MYLK: variants seen among roughly 807,000 people sequenced by gnomAD.
MYLK encodes myosin light chain kinase, also known as myosin light chain kinase, smooth muscle.
A neutral mutation model predicts 203.4 loss-of-function variants in MYLK; 106 were observed. The observed-to-expected ratio is 0.52, with a 90% CI of 0.45 to 0.61. The LOEUF (loss-of-function observed/expected upper bound fraction) is 0.61. MYLK is among the 20% of genes least tolerant of loss of function. The pLI, the probability that MYLK is intolerant of heterozygous loss-of-function variation, is 0.00. For missense variants in MYLK, 2,072 were observed against 2,442.3 expected (o/e 0.85, Z 3.20); for synonymous variants, 867 against 959.5 (o/e 0.90, Z 1.78).
At chr3:123,638,506 G>C (rs916282739) in intron 28 of MYLK, among the ~76,000 whole-genome samples, 3 of 152,120 alleles carry the variant, frequency 2.0e-5, no homozygotes, top group Non-Finnish European at 2.9e-5. Context: ...CCCTAGGCAG[G>C]GACTGTGACT....
In MYLK at chr3:123,642,342, A is replaced by T. The variant is rs1387224259; in HGVS notation, c.4620-1838T>A. 6.6e-6 allele frequency among the ~76,000 whole-genome samples: 1 copy of T among 152,134 alleles called. No individual in the cohort carries two copies. The highest frequency in any genetic ancestry group is 2.4e-5 in the African/African-American group (1 of 41,412). On this transcript the variant is annotated intron_variant, in intron 27 of 33. Coordinates refer to ENST00000360304, the MANE Select transcript of MYLK (RefSeq NM_053025.4). This position sits in a 1 kb window ranked among gnomAD's most constrained non-coding sequence, Gnocchi z 4.2. ...CTTTGTAAAGTATCATGCCTAACAC[A>T]CAGAAGGTGCTCAACACTTATTACT...
intron 27 of MYLK, among the ~76,000 whole-genome samples, chr3:123,643,534 G>GTTA (rs1342162772): frequency 1.3e-5 from 2 of 152,090 alleles, no homozygotes; most frequent in Non-Finnish European, 2.9e-5. Context: ...AGATGGAAGG[G>GTTA]GTTAAAGAGG....
chr3:123,858,334 A>C (rs2031594113), intron 2 of MYLK, among the ~76,000 whole-genome samples: 1 of 152,266 alleles, frequency 6.6e-6, no homozygotes, highest in Non-Finnish European at 1.5e-5. Flanking sequence ...CTAACCTTTC[A>C]CCCATTCCCT....
In MYLK at chr3:123,878,922, G is replaced by A. The variant is rs567898259; in HGVS notation, c.-185-2305C>T. Among the ~76,000 whole-genome samples the A allele has an allele frequency of 1.1e-4, 17 of 152,298 alleles. No individual in the cohort carries two copies. The South Asian group carries it at 3.5e-3, about 32-fold the overall frequency. On this transcript the variant is annotated intron_variant, in intron 1 of 33. Transcript: ENST00000360304. The stretch of plus-strand genomic sequence containing the variant: ...GGCTGGTCCTGAACCCTGACCTCAG[G>A]TGATCCACCCGCCTTGGCCTCCCAA...
chr3:123,708,495 A>C (rs1460687504), intron 15 of MYLK, among the ~76,000 whole-genome samples: 1 of 152,190 alleles, frequency 6.6e-6, no homozygotes, highest in African/African-American at 2.4e-5. Flanking sequence ...GGGACTTCAG[A>C]AAGCTGGGAA....
rs551725467 is a variant in MYLK at position 123,654,437 on chromosome 3, G to A, written c.4288+2689C>T. Among the ~76,000 whole-genome samples, 19 of 152,166 alleles carry A rather than the reference G, an allele frequency of 1.2e-4. No homozygotes were observed. The South Asian group carries it at 2.1e-3, about 17-fold the overall frequency. ...CTCCCTGGTGATGCCAGGCCTGCTCGCTTTCTCGCTTTCTGAGCTTTGCTC... is the reference window on the plus strand; with the variant it reads ...CTCCCTGGTGATGCCAGGCCTGCTCACTTTCTCGCTTTCTGAGCTTTGCTC... On this transcript the variant is annotated intron_variant, in intron 24 of 33. Transcript: ENST00000360304.
chr3:123,787,340 C>A (rs899891843), intron 4 of MYLK, among the ~76,000 whole-genome samples: 5 of 152,006 alleles, frequency 3.3e-5, no homozygotes, highest in African/African-American at 9.7e-5. Flanking sequence ...GTGGCTGGTG[C>A]GGAATGAGGG....
In MYLK at chr3:123,757,349, G is replaced by C. The variant is rs542431449; in HGVS notation, c.166-4811C>G. Among the ~76,000 whole-genome samples, 28 of 152,276 alleles carry C rather than the reference G, an allele frequency of 1.8e-4. No homozygotes were observed. The South Asian group carries it at 5.4e-3, about 29-fold the overall frequency. ...TCCAAGCTTGGTGAGTAGCAGAAAG[G>C]GGGTGATTGTGCTGATTCTGCAGAT... is the stretch of plus-strand genomic sequence containing the variant. On this transcript the variant is annotated intron_variant, in intron 4 of 33. Transcript: ENST00000360304.
At chr3:123,860,220 C>T (rs1391124511) in intron 2 of MYLK, among the ~76,000 whole-genome samples, 1 of 152,216 alleles carries the variant, frequency 6.6e-6, no homozygotes, top group East Asian at 1.9e-4. Context: ...CGGCACACGG[C>T]TCCAGACCAG....
intron 4 of MYLK, among the ~76,000 whole-genome samples, chr3:123,761,150 G>C (rs1341734206): frequency 6.6e-6 from 1 of 152,222 alleles, no homozygotes; most frequent in African/African-American, 2.4e-5. Flanking sequence ...AAACAACACA[G>C]AGACTATAAC....
In MYLK at chr3:123,701,480, AC is replaced by A; in HGVS notation, c.2419del (p.Val807CysfsTer3). On this transcript the variant is annotated frameshift_variant, in exon 17 of 34. Transcript: ENST00000360304. LOFTEE classifies it high-confidence loss of function. ...AGAGCTGTTCTGTAGCATCAGTGAC[AC>A]CTGGCAACTGCATTCGCCAACCCGG... ...KNRVGECSCQ[V>X]SLMLQNSSAR... 1 of 1,614,048 alleles carries A rather than the reference AC, an allele frequency of 6.2e-7. No homozygotes were observed. Among genetic ancestry groups the A allele is most frequent in the Non-Finnish European group, 8.5e-7 (1 of 1,180,022 alleles).
At chr3:123,790,061 G>C (rs1351382920) in intron 4 of MYLK, among the ~76,000 whole-genome samples, 3 of 152,178 alleles carry the variant, frequency 2.0e-5, no homozygotes, top group Non-Finnish European at 4.4e-5. Flanking sequence ...TTTAGGATTT[G>C]TGTCTCTTAG....
chr3:123,751,505 G>C (rs1468267496), intron 5 of MYLK, among the ~76,000 whole-genome samples: 1 of 152,136 alleles, frequency 6.6e-6, no homozygotes, highest in Non-Finnish European at 1.5e-5. Flanking sequence ...ATTTTTCTGA[G>C]TTACATAATT....
At chr3:123,772,213 G>A (rs2063906305) in intron 4 of MYLK, among the ~76,000 whole-genome samples, 2 of 152,156 alleles carry the variant, frequency 1.3e-5, no homozygotes, top group South Asian at 4.1e-4. Flanking sequence ...TAACCAGTAG[G>A]ATTATATGAT....
chr3:123,877,470 C>A (rs543710395), intron 1 of MYLK, among the ~76,000 whole-genome samples: 9 of 152,298 alleles, frequency 5.9e-5, no homozygotes, highest in African/African-American at 2.2e-4. Flanking sequence ...AAAGTAAAAC[C>A]AAGTGTTTCT....
At chr3:123,667,250 C>T in intron 20 of MYLK, 63 bp from the exon 21 acceptor site, 1 of 1,520,984 alleles carries the variant, frequency 6.6e-7, no homozygotes, top group Non-Finnish European at 9.1e-7. Flanking sequence ...AGCTCCTGAT[C>T]CTAGGAAGAT....
intron 2 of MYLK, among the ~76,000 whole-genome samples, chr3:123,866,839 G>A (rs1389524537): frequency 4.6e-5 from 7 of 152,130 alleles, no homozygotes; most frequent in Non-Finnish European, 1.0e-4. Context: ...AGAAAGGGAC[G>A]TCAGAAGCTA....
intron 2 of MYLK, among the ~76,000 whole-genome samples, chr3:123,849,137 G>A (rs928179411): frequency 9.9e-5 from 15 of 152,030 alleles, no homozygotes; most frequent in South Asian, 2.1e-4. Flanking sequence ...CACTACACCC[G>A]GATAATTTTT....
At chr3:123,632,423 C>T (rs577620259) in intron 29 of MYLK, among the ~76,000 whole-genome samples, 1 of 152,152 alleles carries the variant, frequency 6.6e-6, no homozygotes, top group Non-Finnish European at 1.5e-5. Flanking sequence ...GCAGAAAGTT[C>T]CCCTTCTGCA....
Sources: allele counts gnomAD v4.1 joint callset (sites outside exome capture counted in the v4.1 genomes callset), GRCh38; gene constraint gnomAD v4.1.1; non-coding constraint Gnocchi (gnomAD v3.1); transcripts MANE v1.5; gene names NCBI Gene and HGNC (gene_info 2026-07-23, HGNC 2026-07-21).